Variants in PKIB observed in about 807,000 individuals in gnomAD.
PKIB encodes cAMP-dependent protein kinase inhibitor beta.
PKIB carries 2 observed loss-of-function variants against 4.5 expected under a neutral mutation model. That is an observed-to-expected ratio of 0.44 (90% CI 0.18 to 1.39). PKIB has a LOEUF of 1.39. Among genes scored for constraint, PKIB ranks in the 40% most tolerant of loss-of-function variants. The pLI, the probability that PKIB is intolerant of heterozygous loss-of-function variation, is 0.27. For synonymous variants in PKIB, 38 were observed against 36.0 expected (o/e 1.06, Z -0.20); for missense variants, 94 against 92.6 (o/e 1.02, Z -0.06).
intron 2 of PKIB, among the ~76,000 whole-genome samples, chr6:122,669,981 A>G (rs189097681): frequency 2.6e-5 from 4 of 151,806 alleles, no homozygotes; most frequent in Admixed American, 6.6e-5. Context: ...CAGGTGCTAT[A>G]GGGCTGGTAT....
intron 2 of PKIB, among the ~76,000 whole-genome samples, chr6:122,635,390 T>TTTAAGTGAC (rs1433365953): frequency 1.7e-4 from 26 of 152,202 alleles, no homozygotes; most frequent in African/African-American, 6.3e-4. Flanking sequence ...AAACACTACG[T>TTTAAGTGAC]TTAAGTGACT....
chr6:122,554,113 A>G (rs1772769034), intron 2 of PKIB, among the ~76,000 whole-genome samples: 1 of 152,210 alleles, frequency 6.6e-6, no homozygotes, highest in Admixed American at 6.5e-5. Flanking sequence ...GTCAATTAAA[A>G]ATTTTGTACT....
chr6:122,643,691 A>G (rs969882050), intron 2 of PKIB: 1 of 152,230 alleles, frequency 6.6e-6, no homozygotes, highest in African/African-American at 2.4e-5. Flanking sequence ...TGTAAATAGC[A>G]TAGAAATTTT....
chr6:122,587,416 C>T (rs1174480065), intron 3 of PKIB, among the ~76,000 whole-genome samples: 8 of 152,130 alleles, frequency 5.3e-5, no homozygotes, highest in Non-Finnish European at 1.0e-4. Flanking sequence ...TTTCTTAATC[C>T]AGTCTATCAT....
At chr6:122,491,182 C>T (rs1013165424) in intron 2 of PKIB, among the ~76,000 whole-genome samples, 1 of 152,212 alleles carries the variant, frequency 6.6e-6, no homozygotes, top group Non-Finnish European at 1.5e-5. Context: ...TCTTGACATA[C>T]TTCCATGGTC....
chr6:122,510,421 T>C (rs1267470594), intron 2 of PKIB, among the ~76,000 whole-genome samples: 2 of 152,246 alleles, frequency 1.3e-5, no homozygotes, highest in Admixed American at 6.5e-5. Flanking sequence ...GATATCTGGC[T>C]GTAGGTTTTT....
At chr6:122,672,421 T>C (rs1308754114) in intron 2 of PKIB, among the ~76,000 whole-genome samples, 1 of 152,216 alleles carries the variant, frequency 6.6e-6, no homozygotes, top group African/African-American at 2.4e-5. Context: ...GTGTTTCTAC[T>C]GTGATAAATT....
intron 2 of PKIB, among the ~76,000 whole-genome samples, chr6:122,535,343 C>A (rs746717220): frequency 1.3e-5 from 2 of 152,032 alleles, no homozygotes; most frequent in Non-Finnish European, 2.9e-5. Context: ...TCTTTCTTCC[C>A]TAAAAAAGGT....
chr6:122,572,262 A>G lies in PKIB; in HGVS notation c.-247-13659A>G, dbSNP rs1412654456. On this transcript the variant is annotated intron_variant, in intron 2 of 6. Transcript: ENST00000392491. ...GAAGATATTACAATCCTAAATTTAT[A>G]TGCACCTAACACAGGAGCTCCAAGA... Among the ~76,000 whole-genome samples, 3 of 152,198 alleles carry G rather than the reference A, an allele frequency of 2.0e-5. No homozygotes were observed. The East Asian group carries it at 5.8e-4, about 29-fold the overall frequency.
chr6:122,602,713 G>C (rs1013855046), intron 3 of PKIB, among the ~76,000 whole-genome samples: 1 of 151,940 alleles, frequency 6.6e-6, no homozygotes, highest in Non-Finnish European at 1.5e-5. Flanking sequence ...CCAGGAGTTC[G>C]AGACCAGCCT....
intron 2 of PKIB, among the ~76,000 whole-genome samples, chr6:122,583,706 A>T (rs1773770586): frequency 6.6e-6 from 1 of 152,112 alleles, no homozygotes; most frequent in South Asian, 2.1e-4. Flanking sequence ...ATTAATCATA[A>T]TGATGGTATT....
chr6:122,604,942 C>G (rs1428408864), intron 3 of PKIB, among the ~76,000 whole-genome samples: 1 of 152,240 alleles, frequency 6.6e-6, no homozygotes, highest in Non-Finnish European at 1.5e-5. Flanking sequence ...TCCCATCCTT[C>G]TGCTTCTTAC....
intron 3 of PKIB, among the ~76,000 whole-genome samples, chr6:122,696,827 G>C (rs1778593904): frequency 6.6e-6 from 1 of 152,204 alleles, no homozygotes; most frequent in Non-Finnish European, 1.5e-5. Flanking sequence ...GGTCAGCGTG[G>C]ACACAGGATA....
intron 2 of PKIB, among the ~76,000 whole-genome samples, chr6:122,636,685 G>A (rs1311905728): frequency 1.3e-5 from 2 of 151,942 alleles, no homozygotes; most frequent in Non-Finnish European, 2.9e-5. Context: ...ATCCAAAAAA[G>A]GATTTGGGAG....
At position 122,686,120 on chromosome 6, in the gene PKIB, A is replaced by C. The variant is rs372539589; in HGVS notation, c.-9+10976A>C. ...TGAATAATGCTGCAGTCAACATGGA[A>C]GTGCAGACCTCTTTGATATATTGAT... On this transcript the variant is annotated intron_variant, in intron 3 of 4. Coordinates refer to ENST00000368452, the MANE Select transcript of PKIB (RefSeq NM_181795.3). Among the ~76,000 whole-genome samples the C allele has an allele frequency of 3.9e-5, 6 of 152,336 alleles. No individual in the cohort carries two copies. In the East Asian group the frequency reaches 7.7e-4, roughly 20 times the overall value.
At chr6:122,671,016 AG>A (rs1562294535) in intron 2 of PKIB, among the ~76,000 whole-genome samples, 1 of 152,164 alleles carries the variant, frequency 6.6e-6, no homozygotes, top group Non-Finnish European at 1.5e-5. Flanking sequence ...TGAAGAGGCC[AG>A]GCGCGGTGGC....
chr6:122,511,438 A>G (rs1337693700), intron 2 of PKIB, among the ~76,000 whole-genome samples: 2 of 152,130 alleles, frequency 1.3e-5, no homozygotes, highest in African/African-American at 4.8e-5. Flanking sequence ...TTACCTGCAG[A>G]GCTTAAAACT....
At chr6:122,599,194 TCAGA>T (rs1469545851) in intron 3 of PKIB, among the ~76,000 whole-genome samples, 1 of 152,142 alleles carries the variant, frequency 6.6e-6, no homozygotes, top group African/African-American at 2.4e-5. Flanking sequence ...GTTTGTCTCC[TCAGA>T]CAGAGGTGGA....
rs1212119004 is a variant in PKIB at position 122,595,943 on chromosome 6, A to G, written c.-161+9936A>G. Among the ~76,000 whole-genome samples, 4 of 152,218 alleles carry G rather than the reference A, an allele frequency of 2.6e-5. No homozygotes were observed. The East Asian group carries it at 7.7e-4, about 29-fold the overall frequency. ...GTGAGTACTCACATGGGAAACAAAT[A>G]TCTTCACAGTTTTTGACCACTCAGA... On this transcript the variant is annotated intron_variant, in intron 3 of 6. Transcript: ENST00000392491.
Sources: allele counts gnomAD v4.1 joint callset (sites outside exome capture counted in the v4.1 genomes callset), GRCh38; gene constraint gnomAD v4.1.1; transcripts MANE v1.5; gene names NCBI Gene and HGNC (gene_info 2026-07-23, HGNC 2026-07-21).